Variants in CASK observed in about 807,000 individuals in gnomAD.
The protein encoded by CASK is peripheral plasma membrane protein CASK.
In CASK, 4 loss-of-function variants were observed where a neutral mutation model predicts 82.9. The observed-to-expected ratio is 0.05, with a 90% CI of 0.02 to 0.11. The LOEUF (loss-of-function observed/expected upper bound fraction) is 0.11, where lower values mean the gene tolerates loss of function less well. CASK is among the 10% of genes least tolerant of loss of function. CASK has a pLI of 1.00. For synonymous variants in CASK, 259 were observed against 253.5 expected, an observed-to-expected ratio of 1.02 and a Z score of -0.20; for missense variants, 358 against 720.9, an observed-to-expected ratio of 0.50 and a Z score of 5.76.
intron 1 of CASK, among the ~76,000 whole-genome samples, chrX:41,860,931 A>G (rs554402547): frequency 6.2e-5 from 7 of 112,410 alleles, no homozygotes; most frequent in African/African-American, 2.3e-4. Context: ...TATTTGAAAC[A>G]GCTAGCAATG....
intron 4 of CASK, among the ~76,000 whole-genome samples, chrX:41,740,306 TCC>T (rs954206972): frequency 2.7e-5 from 3 of 111,039 alleles, no homozygotes; most frequent in African/African-American, 6.5e-5. Flanking sequence ...TTCTTCCTAT[TCC>T]CCTTCTTTTC....
At chrX:41,759,500 A>C (rs1321984027) in intron 3 of CASK, among the ~76,000 whole-genome samples, 1 of 111,481 alleles carries the variant, frequency 9.0e-6, no homozygotes, top group Admixed American at 9.6e-5. Flanking sequence ...AATATCTGCC[A>C]TTTTTAGCTT....
chrX:41,789,950 GAC>G (rs2069681721), intron 2 of CASK, among the ~76,000 whole-genome samples: 1 of 110,549 alleles, frequency 9.0e-6, no homozygotes, highest in African/African-American at 3.3e-5. Context: ...CCTTTTTTGA[GAC>G]AGAGTCTTGC....
intron 3 of CASK, among the ~76,000 whole-genome samples, chrX:41,778,317 G>A (rs1333894628): frequency 9.5e-6 from 1 of 105,420 alleles, no homozygotes; most frequent in Non-Finnish European, 1.9e-5. Flanking sequence ...TGCAACCTCT[G>A]CCTCCCAGGT....
At chrX:41,620,515 C>T (rs1478796066) in intron 11 of CASK, among the ~76,000 whole-genome samples, 1 of 111,412 alleles carries the variant, frequency 9.0e-6, no homozygotes, top group Non-Finnish European at 1.9e-5. Context: ...CAATCAAAGC[C>T]CCTCCTTGCA....
intron 5 of CASK, among the ~76,000 whole-genome samples, chrX:41,738,111 AC>A (rs1246508602): frequency 1.8e-5 from 2 of 112,871 alleles, no homozygotes; most frequent in Admixed American, 1.9e-4. Context: ...AGTAGCTGGG[AC>A]TACAGGCATG....
At chrX:41,912,802 A>ATATATATATATG (rs1157447334) in intron 1 of CASK, among the ~76,000 whole-genome samples, 2 of 103,231 alleles carry the variant, frequency 1.9e-5, no homozygotes, top group Non-Finnish European at 3.9e-5. Flanking sequence ...ATATATATAT[A>ATATATATATATG]TATATAAAAT....
chrX:41,808,570 C>T (rs954739074), intron 2 of CASK, among the ~76,000 whole-genome samples: 5 of 112,088 alleles, frequency 4.5e-5, no homozygotes, highest in East Asian at 2.8e-4. Context: ...TTAAAACTCA[C>T]GATAAGAGCT....
intron 3 of CASK, among the ~76,000 whole-genome samples, chrX:41,778,261 G>A (rs1193278192): frequency 3.7e-5 from 4 of 108,295 alleles, no homozygotes; most frequent in East Asian, 2.9e-4. Context: ...ACTGAGTCTC[G>A]CTCTTGTTGC....
intron 12 of CASK, among the ~76,000 whole-genome samples, chrX:41,591,295 A>C (rs1306171388): frequency 1.8e-5 from 2 of 110,172 alleles, no homozygotes; most frequent in African/African-American, 6.6e-5. Context: ...GCATGCATGC[A>C]ATAAAAAATA....
At chrX:41,713,152 C>G (rs1334910595) in intron 5 of CASK, among the ~76,000 whole-genome samples, 1 of 112,182 alleles carries the variant, frequency 8.9e-6, no homozygotes, top group Non-Finnish European at 1.9e-5. Flanking sequence ...GACAGTTACA[C>G]AACCTGTGGT....
chrX:41,872,056 C>G, intron 1 of CASK, among the ~76,000 whole-genome samples: 1 of 112,847 alleles, frequency 8.9e-6, no homozygotes, highest in Non-Finnish European at 1.9e-5. Context: ...CCACCTGTTT[C>G]TGTAAATACA....
chrX:41,547,120 G>C (rs1157915269), intron 21 of CASK, among the ~76,000 whole-genome samples: 1 of 109,661 alleles, frequency 9.1e-6, no homozygotes, highest in Non-Finnish European at 1.9e-5. Flanking sequence ...TTTTAGTAGA[G>C]ATGGGGTTTT....
At chrX:41,822,950 T>C (rs981504796) in intron 2 of CASK, among the ~76,000 whole-genome samples, 2 of 105,740 alleles carry the variant, frequency 1.9e-5, no homozygotes, top group Non-Finnish European at 3.9e-5. Context: ...CTTTCCTCAA[T>C]TGTAGGCTAC....
chrX:41,766,368 T>C (rs1413380705), intron 3 of CASK, among the ~76,000 whole-genome samples: 1 of 112,152 alleles, frequency 8.9e-6, no homozygotes, highest in Non-Finnish European at 1.9e-5. Context: ...GATATACAAA[T>C]ATAAAACTTA....
At chrX:41,732,482 T>C (rs2068413658) in intron 5 of CASK, among the ~76,000 whole-genome samples, 1 of 111,058 alleles carries the variant, frequency 9.0e-6, no homozygotes, top group East Asian at 2.8e-4. Context: ...AAGGAAATCC[T>C]GCCGGCAAAC....
chrX:41,903,280 C>T (rs1018557751), intron 1 of CASK, among the ~76,000 whole-genome samples: 7 of 111,856 alleles, frequency 6.3e-5, no homozygotes, highest in Admixed American at 9.5e-5. Context: ...TGTTGGGAGA[C>T]GGCAGAAGGA....
chrX:41,768,432 A>T (rs2069154516), intron 3 of CASK, among the ~76,000 whole-genome samples: 1 of 111,187 alleles, frequency 9.0e-6, no homozygotes, highest in Non-Finnish European at 1.9e-5. Flanking sequence ...ATATCTGTAC[A>T]TGTATATGTG....
intron 1 of CASK, among the ~76,000 whole-genome samples, chrX:41,869,838 C>CAAAAAAAAAAAAAAAAA (rs2071670954): frequency 6.8e-5 from 3 of 44,173 alleles, no homozygotes; most frequent in African/African-American, 8.3e-5. Context: ...AAAAAAAAAG[C>CAAAAAAAAAAAAAAAAA]CAAAATTTAA....
Sources: allele counts gnomAD v4.1 joint callset (sites outside exome capture counted in the v4.1 genomes callset), GRCh38; gene constraint gnomAD v4.1.1; transcripts MANE v1.5; gene names NCBI Gene and HGNC (gene_info 2026-07-23, HGNC 2026-07-21).